Variants in CPSF6 observed in about 807,000 individuals in gnomAD.
CPSF6 encodes the protein cleavage and polyadenylation specificity factor subunit 6.
In CPSF6, 10 loss-of-function variants were observed where a neutral mutation model predicts 56.7. That is an observed-to-expected ratio of 0.18 (90% confidence interval 0.11 to 0.30). The LOEUF (loss-of-function observed/expected upper bound fraction) is 0.30. CPSF6 is among the 10% of genes least tolerant of loss of function. CPSF6 has a pLI of 1.00. For missense variants in CPSF6, 419 were observed against 722.9 expected (o/e 0.58, Z 4.82); for synonymous variants, 248 against 244.8 (o/e 1.01, Z -0.12).
In CPSF6 at chr12:69,270,624, G is replaced by A. The variant is rs970119697; in HGVS notation, c.*1116G>A. 1 of 151,674 alleles carries A rather than the reference G, an allele frequency of 6.6e-6. No homozygotes were observed. The highest frequency in any genetic ancestry group is 2.4e-5 in the African/African-American group (1 of 41,382). 9.4% of individuals were successfully genotyped at this position (151,674 alleles called of 1,614,324 possible). On this transcript the variant is annotated 3_prime_UTR_variant, in exon 10 of 10. Coordinates refer to ENST00000435070, the MANE Select transcript of CPSF6 (RefSeq NM_007007.3). ...TTGTATTCCCCAGTATTTGTAATGGGAAATTACAGATAAACCGTGTCTGCA... is the reference window on the plus strand; with the variant it reads ...TTGTATTCCCCAGTATTTGTAATGGAAAATTACAGATAAACCGTGTCTGCA...
rs1360911288 is a variant in CPSF6, at chr12:69,270,060, A to G, written c.*552A>G. 6.6e-6 allele frequency: 1 copy of G among 152,270 alleles called. No individual in the cohort carries two copies. Among genetic ancestry groups the G allele is most frequent in the Admixed American group, 6.6e-5 (1 of 15,254 alleles). The allele number at this position is 152,270 out of a possible 1,614,324, so 9.4% of individuals were successfully genotyped here. On this transcript the variant is annotated 3_prime_UTR_variant, in exon 10 of 10. Coordinates refer to ENST00000435070, the MANE Select transcript of CPSF6 (RefSeq NM_007007.3). ...TTTTACTGTCCTTTAAAGCATTGCA[A>G]TAGCGTTTTTGGATATGCCTCAATC...
At position 69,273,720 on chromosome 12, in the gene CPSF6, G is replaced by A. The variant is rs1257588174; in HGVS notation, c.*4212G>A. 6.6e-6 allele frequency: 1 copy of A among 151,686 alleles called. No individual in the cohort carries two copies. Among genetic ancestry groups the A allele is most frequent in the Non-Finnish European group, 1.5e-5 (1 of 67,790 alleles). 9.4% of individuals were successfully genotyped at this position (151,686 alleles called of 1,614,324 possible). A position where few individuals can be genotyped will look rare whatever the true frequency, so the allele number is the denominator to read the frequency against. ...TTATTTTTTTACTTTGAAAATTGTA[G>A]TACTCAGGTGGTATTTAATGGGAAA... On this transcript the variant is annotated 3_prime_UTR_variant, in exon 10 of 10. Coordinates refer to ENST00000435070, the MANE Select transcript of CPSF6 (RefSeq NM_007007.3).
chr12:69,255,535 A>ATATG (rs1872465656), intron 3 of CPSF6, among the ~76,000 whole-genome samples: 1 of 151,950 alleles, frequency 6.6e-6, no homozygotes, highest in African/African-American at 2.4e-5. Context: ...GTTTCTCCAC[A>ATATG]TATTTATTTA....
At chr12:69,259,710 C>T (rs182154731) in intron 7 of CPSF6, among the ~76,000 whole-genome samples, 167 bp downstream of exon 7, 24 of 152,274 alleles carry the variant, frequency 1.6e-4, no homozygotes, top group African/African-American at 5.1e-4. Flanking sequence ...TTGTGTGTCA[C>T]AGTGTAGTGG....
chr12:69,250,313 A>C (rs1027293534), intron 1 of CPSF6, among the ~76,000 whole-genome samples: 1 of 152,102 alleles, frequency 6.6e-6, no homozygotes, highest in Admixed American at 6.6e-5. Context: ...AGTTTAAAAA[A>C]AACTTGTCTA....
intron 1 of CPSF6, among the ~76,000 whole-genome samples, chr12:69,239,981 C>G (rs1180448840): frequency 6.6e-6 from 1 of 151,078 alleles, no homozygotes; most frequent in African/African-American, 2.4e-5. Context: ...CCGGCGCTGC[C>G]TCGCTCCCTA....
At chr12:69,251,981 A>G in intron 2 of CPSF6, 2 of 455,268 alleles carry the variant, frequency 4.4e-6, no homozygotes, top group Non-Finnish European at 8.8e-6. Flanking sequence ...TGTATACTTG[A>G]AAGTTAAAAA....
intron 3 of CPSF6, among the ~76,000 whole-genome samples, chr12:69,256,204 T>G (rs1369566624): frequency 2.0e-5 from 3 of 152,138 alleles, no homozygotes; most frequent in Non-Finnish European, 2.9e-5. Context: ...GTTTAGTGGT[T>G]CCATAGGGTA....
intron 9 of CPSF6, among the ~76,000 whole-genome samples, chr12:69,269,122 A>G (rs1282064678): frequency 1.3e-5 from 2 of 151,908 alleles, no homozygotes; most frequent in Non-Finnish European, 3.0e-5. Flanking sequence ...TAGACTTGAT[A>G]TGTGGGTGAA....
chr12:69,242,813 A>C (rs1238493961), intron 1 of CPSF6, among the ~76,000 whole-genome samples: 6 of 152,224 alleles, frequency 3.9e-5, no homozygotes, highest in Admixed American at 3.3e-4. Context: ...ATAATTTAAA[A>C]GTTGAATTGT....
At chr12:69,253,333 C>G (rs1054952860) in intron 3 of CPSF6, among the ~76,000 whole-genome samples, 179 bp downstream of exon 3, 9 of 152,084 alleles carry the variant, frequency 5.9e-5, no homozygotes, top group African/African-American at 1.9e-4. Context: ...TTTACGTACC[C>G]TATTACCTAA....
At chr12:69,260,936 G>A (rs1177693024) in intron 8 of CPSF6, among the ~76,000 whole-genome samples, 1 of 152,160 alleles carries the variant, frequency 6.6e-6, no homozygotes, top group Non-Finnish European at 1.5e-5. Flanking sequence ...TATTTCTAAT[G>A]CCTACAGAGT....
In CPSF6 at chr12:69,247,986, A is replaced by AC. The variant is rs545539308; in HGVS notation, c.61-3141dup. Among the ~76,000 whole-genome samples the AC allele has an allele frequency of 2.6e-5, 4 of 152,360 alleles. No homozygotes were observed. The South Asian group carries it at 8.3e-4, about 32-fold the overall frequency. On this transcript the variant is annotated intron_variant, in intron 1 of 9. Coordinates refer to ENST00000435070, the MANE Select transcript of CPSF6 (RefSeq NM_007007.3). ...GTCCACATGGAGATCAAACCCCAGG[A>AC]CCATGGTCTTAATTAGGATCGTACT...
Position 69,258,620 on chromosome 12 carries a change from G to T in CPSF6, c.725G>T (p.Gly242Val). 6.2e-7 allele frequency: 1 copy of T among 1,613,246 alleles called. No homozygotes were observed. The highest frequency in any genetic ancestry group is 8.5e-7 in the Non-Finnish European group (1 of 1,179,668). Residue 242 changes from glycine (G) to valine (V), a missense_variant, in exon 6 of 10, where the codon GGT (glycine) becomes GTT (valine). By Grantham distance (109) the Gly-to-Val change is moderately radical. This residue lies in a region of CPSF6 where 211 missense variants were observed against 296.0 expected (regional missense o/e 0.71). Coordinates refer to ENST00000435070, the MANE Select transcript of CPSF6 (RefSeq NM_007007.3). The surrounding 1 kb of genome is among the most constrained non-coding windows in gnomAD (Gnocchi z 4.2). Reference protein sequence around the residue: ...AGQTPPRPPLGPPGPPGPPGP... With the variant: ...AGQTPPRPPLVPPGPPGPPGP... ...CAGACTCCACCACGTCCACCCTTAG[G>T]TCCTCCAGGCCCACCTGGTCCACCA...
chr12:69,251,075 T>G, intron 1 of CPSF6, 54 bp from the exon 2 acceptor site: 3 of 1,519,060 alleles, frequency 2.0e-6, no homozygotes, highest in Admixed American at 2.0e-5. Flanking sequence ...TTCAAGTCTA[T>G]TTTAGTAGTA....
intron 1 of CPSF6, among the ~76,000 whole-genome samples, chr12:69,248,207 T>C (rs1348863964): frequency 3.3e-5 from 5 of 152,246 alleles, no homozygotes. Flanking sequence ...TATGTAAACA[T>C]TTTCACAGGT....
rs1243142476 is a variant in CPSF6 at position 69,239,612 on chromosome 12, G to A, written c.-35G>A. 2 of 1,330,684 alleles carry A rather than the reference G, an allele frequency of 1.5e-6. No homozygotes were observed. Among genetic ancestry groups the A allele is most frequent in the Admixed American group, 2.3e-5 (1 of 43,770 alleles). The allele number at this position is 1,330,684 out of a possible 1,614,324, so 82.4% of individuals were successfully genotyped here. ...GCCGCGGCGGGCAGACCTGCAGGAG[G>A]CGGCGGCGGCGGCGGCGGCCGAGGC... On this transcript the variant is annotated 5_prime_UTR_variant, in exon 1 of 10. Coordinates refer to ENST00000435070, the MANE Select transcript of CPSF6 (RefSeq NM_007007.3).
At chr12:69,260,982 CGAAT>C (rs569454791) in intron 8 of CPSF6, among the ~76,000 whole-genome samples, 55 of 152,230 alleles carry the variant, frequency 3.6e-4, no homozygotes, top group African/African-American at 1.3e-3. Context: ...AAAAATTTCT[CGAAT>C]GAGGGAGTGA....
At chr12:69,245,097 A>T (rs563947929) in intron 1 of CPSF6, among the ~76,000 whole-genome samples, 46 of 20,748 alleles carry the variant, frequency 2.2e-3, no homozygotes, top group African/African-American at 8.6e-3. Context: ...GTCTCTATTT[A>T]AAAAAAAAAA....
Sources: gnomAD v4.1 joint callset for allele counts (sites outside exome capture counted in the v4.1 genomes callset) on GRCh38, gnomAD v4.1.1 for gene constraint, gnomAD v4.1.1 regional missense constraint, Gnocchi (gnomAD v3.1) non-coding constraint, MANE v1.5 for transcripts, NCBI Gene and HGNC (gene_info 2026-07-23, HGNC 2026-07-21) for gene names.